The following DGKI variants were observed in gnomAD, a reference collection of about 807,000 sequenced individuals.
The protein encoded by DGKI is DAG kinase iota.
DGKI carries 55 observed loss-of-function variants against 147.5 expected under a neutral mutation model. The ratio of observed to expected loss-of-function variants is 0.37; its 90% CI spans 0.30 to 0.47. The LOEUF is 0.47. DGKI is among the 20% of genes least tolerant of loss of function. DGKI has a pLI of 1.00. For missense variants in DGKI, 1,007 were observed against 1,323.8 expected, an observed-to-expected ratio of 0.76 and a Z score of 3.71; for synonymous variants, 469 against 477.1, an observed-to-expected ratio of 0.98 and a Z score of 0.22.
At chr7:137,539,790 A>T (rs796737222) in intron 20 of DGKI, among the ~76,000 whole-genome samples, 10 of 152,228 alleles carry the variant, frequency 6.6e-5, no homozygotes, top group African/African-American at 2.4e-4. Context: ...AAAACAACCA[A>T]GAAAGTTAGT....
At chr7:137,831,986 T>G (rs984499099) in intron 1 of DGKI, among the ~76,000 whole-genome samples, 1 of 152,214 alleles carries the variant, frequency 6.6e-6, no homozygotes, top group African/African-American at 2.4e-5. Flanking sequence ...TCTTAAAGCT[T>G]AAAATGATCA....
intron 14 of DGKI, 57 bp downstream of exon 14, chr7:137,585,152 C>T (rs1819341358): frequency 1.3e-6 from 2 of 1,593,958 alleles, no homozygotes; most frequent in Non-Finnish European, 8.5e-7. Flanking sequence ...ATTTTTTTTC[C>T]TGTAGCTCAG....
At chr7:137,401,534 A>G (rs1811761674) in intron 30 of DGKI, among the ~76,000 whole-genome samples, 1 of 152,178 alleles carries the variant, frequency 6.6e-6, no homozygotes, top group Admixed American at 6.5e-5. Flanking sequence ...AAAAAATAAA[A>G]ATAAAGATAA....
At chr7:137,585,129 C>T in intron 14 of DGKI, 80 bp downstream of exon 14, 2 of 1,527,820 alleles carry the variant, frequency 1.3e-6, no homozygotes, top group Non-Finnish European at 1.8e-6. Context: ...CAGCACATGA[C>T]TCTCCAGCCA....
At chr7:137,795,133 A>G (rs1268333186) in intron 1 of DGKI, among the ~76,000 whole-genome samples, 2 of 152,246 alleles carry the variant, frequency 1.3e-5, no homozygotes, top group Non-Finnish European at 2.9e-5. Flanking sequence ...CAACATTTTC[A>G]GAATTCTAAA....
chr7:137,811,923 G>A (rs1797600230), intron 1 of DGKI, among the ~76,000 whole-genome samples: 1 of 152,148 alleles, frequency 6.6e-6, no homozygotes, highest in Middle Eastern at 3.2e-3. Flanking sequence ...TAGGTAGGTA[G>A]TGACTCTTGA....
intron 1 of DGKI, among the ~76,000 whole-genome samples, chr7:137,757,227 T>C (rs1310780596): frequency 6.6e-6 from 1 of 152,012 alleles, no homozygotes; most frequent in Non-Finnish European, 1.5e-5. Context: ...AGGAAAAATC[T>C]CTCCCCAGAG....
intron 1 of DGKI, among the ~76,000 whole-genome samples, chr7:137,718,069 A>G (rs1715629407): frequency 6.6e-6 from 1 of 152,082 alleles, no homozygotes; most frequent in Admixed American, 6.5e-5. Context: ...GACTCACCCA[A>G]ATGGTGCTGC....
At chr7:137,393,951 T>C (rs1811456073) in intron 32 of DGKI, among the ~76,000 whole-genome samples, 1 of 152,170 alleles carries the variant, frequency 6.6e-6, no homozygotes, top group Non-Finnish European at 1.5e-5. Context: ...CTTAAATAAA[T>C]CTAATGGAGC....
intron 6 of DGKI, among the ~76,000 whole-genome samples, 195 bp from the exon 7 acceptor site, chr7:137,623,749 T>C (rs1386753966): frequency 1.3e-5 from 2 of 152,198 alleles, no homozygotes; most frequent in African/African-American, 4.8e-5. Flanking sequence ...TTTCTAATCC[T>C]GAAGCATTTC....
At chr7:137,821,007 G>A (rs1797881719) in intron 1 of DGKI, among the ~76,000 whole-genome samples, 1 of 152,132 alleles carries the variant, frequency 6.6e-6, no homozygotes, top group South Asian at 2.1e-4. Flanking sequence ...CTGCCAATTT[G>A]CACCTCATTA....
At chr7:137,513,855 C>T (rs902780539) in intron 21 of DGKI, 17 of 696,920 alleles carry the variant, frequency 2.4e-5, no homozygotes, top group Non-Finnish European at 3.3e-5. Flanking sequence ...GAAACCTCTG[C>T]GCCATGAGAG....
At chr7:137,697,999 C>T (rs1823849139) in intron 1 of DGKI, among the ~76,000 whole-genome samples, 1 of 150,494 alleles carries the variant, frequency 6.6e-6, no homozygotes, top group African/African-American at 2.4e-5. Context: ...TCCAGATCTC[C>T]AGATAGATAG....
At chr7:137,672,326 TCTGA>T (rs1459236494) in intron 3 of DGKI, among the ~76,000 whole-genome samples, 3 of 152,224 alleles carry the variant, frequency 2.0e-5, no homozygotes, top group African/African-American at 7.2e-5. Flanking sequence ...AGTAAGCCTC[TCTGA>T]CTCTTCTTTA....
chr7:137,820,024 T>C (rs1797853724), intron 1 of DGKI, among the ~76,000 whole-genome samples: 1 of 152,196 alleles, frequency 6.6e-6, no homozygotes, highest in South Asian at 2.1e-4. Flanking sequence ...ATAGTGCATT[T>C]CTCATCATGT....
At chr7:137,660,264 G>C (rs1822377635) in intron 3 of DGKI, among the ~76,000 whole-genome samples, 2 of 151,948 alleles carry the variant, frequency 1.3e-5, no homozygotes, top group South Asian at 4.1e-4. Context: ...AAGACAATAT[G>C]GAATACAGTA....
chr7:137,777,095 G>C (rs147836278), intron 1 of DGKI, among the ~76,000 whole-genome samples: 2 of 152,058 alleles, frequency 1.3e-5, no homozygotes, highest in East Asian at 1.9e-4. Context: ...CAGGAGGCTA[G>C]AGCAGATGAT....
chr7:137,577,831 C>T (rs993220312), intron 16 of DGKI, among the ~76,000 whole-genome samples: 1 of 152,172 alleles, frequency 6.6e-6, no homozygotes, highest in Non-Finnish European at 1.5e-5. Flanking sequence ...TTTAACCTCA[C>T]GTATGCGTCC....
At chr7:137,526,090 A>G (rs547471992) in intron 20 of DGKI, among the ~76,000 whole-genome samples, 1 of 152,288 alleles carries the variant, frequency 6.6e-6, no homozygotes, top group South Asian at 2.1e-4. Flanking sequence ...TTAGTGTCCC[A>G]TTAATGGCTG....
Sources: gnomAD v4.1 joint callset for allele counts (sites outside exome capture counted in the v4.1 genomes callset) on GRCh38, gnomAD v4.1.1 for gene constraint, MANE v1.5 for transcripts, NCBI Gene and HGNC (gene_info 2026-07-23, HGNC 2026-07-21) for gene names.